SLC23A2: variants seen among roughly 807,000 people sequenced by gnomAD.
SLC23A2 encodes the protein solute carrier family 23 member 2.
Under a neutral mutation model 73.3 loss-of-function variants are expected in SLC23A2, and 36 were observed. The ratio of observed to expected loss-of-function variants is 0.49; its 90% CI spans 0.38 to 0.65. SLC23A2 has a LOEUF of 0.65. SLC23A2 is among the 30% of genes least tolerant of loss of function. SLC23A2 has a pLI of 0.00. For missense variants in SLC23A2, 507 were observed against 841.6 expected, an observed-to-expected ratio of 0.60 and a Z score of 4.92; for synonymous variants, 343 against 327.3, an observed-to-expected ratio of 1.05 and a Z score of -0.52.
intron 13 of SLC23A2, among the ~76,000 whole-genome samples, chr20:4,866,742 T>C (rs1212004316): frequency 6.6e-6 from 1 of 152,162 alleles, no homozygotes; most frequent in Non-Finnish European, 1.5e-5. Flanking sequence ...TGGTTTCTCT[T>C]TATCTGATTA....
At chr20:5,001,899 T>G (rs980036270), upstream of SLC23A2, among the ~76,000 whole-genome samples, 6 of 152,060 alleles carry the variant, frequency 3.9e-5, no homozygotes, top group African/African-American at 1.2e-4. Flanking sequence ...TGTGGTGCAT[T>G]GGGCTCAGTG....
intron 1 of SLC23A2, 55 bp downstream of exon 1, chr20:5,001,351 C>T (rs1187617633): frequency 6.8e-6 from 1 of 146,370 alleles, no homozygotes. Flanking sequence ...CTCGCGGCCC[C>T]GCCGGCAGGT....
At chr20:4,962,503 G>A (rs2087409326) in intron 2 of SLC23A2, among the ~76,000 whole-genome samples, 1 of 152,244 alleles carries the variant, frequency 6.6e-6, no homozygotes, top group Non-Finnish European at 1.5e-5. Context: ...CCCAGCTCAG[G>A]ATCCCAAAGT....
At chr20:4,936,444 G>A (rs2086962835) in intron 2 of SLC23A2, among the ~76,000 whole-genome samples, 1 of 151,924 alleles carries the variant, frequency 6.6e-6, no homozygotes, top group Non-Finnish European at 1.5e-5. Context: ...TCAACTTTAG[G>A]GAAAATGATG....
At position 4,885,529 on chromosome 20, in the gene SLC23A2, A is replaced by G. The variant is rs1343290918; in HGVS notation, c.571+292T>C. Reference sequence around the variant, plus strand: ...AATCCACTGAAAGAGAGAGGCAGAAAAATAGCACAAATATTTTTCTATTCC... The same window carrying G: ...AATCCACTGAAAGAGAGAGGCAGAAGAATAGCACAAATATTTTTCTATTCC... On this transcript the variant is annotated intron_variant, in intron 7 of 16. Transcript: ENST00000338244. Among the ~76,000 whole-genome samples, 3 of 152,250 alleles carry G rather than the reference A, an allele frequency of 2.0e-5. No individual in the cohort carries two copies. In the East Asian group the frequency reaches 5.8e-4, roughly 29 times the overall value.
chr20:4,958,263 C>T (rs893461585), intron 2 of SLC23A2, among the ~76,000 whole-genome samples: 1 of 152,166 alleles, frequency 6.6e-6, no homozygotes, highest in African/African-American at 2.4e-5. Flanking sequence ...CCGAAAATGC[C>T]TCTGTAAAAT....
intron 4 of SLC23A2, among the ~76,000 whole-genome samples, chr20:4,912,593 C>T (rs6084933): frequency 0.29 from 43,676 of 150,588 alleles, 7,865 homozygotes; most frequent in East Asian, 0.63. Flanking sequence ...CTTCCCTCTG[C>T]CATCTTGGCT....
chr20:4,958,558 T>C (rs1255638222), intron 2 of SLC23A2, among the ~76,000 whole-genome samples: 4 of 152,088 alleles, frequency 2.6e-5, no homozygotes, highest in African/African-American at 9.7e-5. Context: ...TGTTTATTTA[T>C]CTTTTTTTTT....
Position 4,874,601 on chromosome 20 carries a change from T to G in SLC23A2, c.920A>C (p.Lys307Thr). Residue 307 changes from lysine (K) to threonine (T), a missense_variant, in exon 10 of 17, where the codon AAG becomes ACG. Coordinates refer to ENST00000338244, the MANE Select transcript of SLC23A2 (RefSeq NM_005116.6). ...YKSKKGWTAY[K>T]LQLFKMFPII... ...AGGGAACATTTTGAACAGCTGTAAC[T>G]TGTACGCAGTCCATCCTTTCTTGGA... The G allele has an allele frequency of 6.2e-7, 1 of 1,611,638 alleles. No individual in the cohort carries two copies. The highest frequency in any genetic ancestry group is 8.5e-7 in the Non-Finnish European group (1 of 1,179,184).
chr20:4,930,627 T>G (rs1932778397), intron 3 of SLC23A2, among the ~76,000 whole-genome samples: 1 of 152,214 alleles, frequency 6.6e-6, no homozygotes, highest in Non-Finnish European at 1.5e-5. Flanking sequence ...GAGACCAGCC[T>G]GGCCAATATG....
At chr20:4,904,294 G>C (rs1055409235) in intron 4 of SLC23A2, among the ~76,000 whole-genome samples, 3 of 152,188 alleles carry the variant, frequency 2.0e-5, no homozygotes, top group African/African-American at 7.2e-5. Context: ...AGCTTCCCTG[G>C]CTGAATGGGT....
At chr20:4,887,715 A>T (rs1931158935) in intron 6 of SLC23A2, among the ~76,000 whole-genome samples, 1 of 152,202 alleles carries the variant, frequency 6.6e-6, no homozygotes, top group African/African-American at 2.4e-5. Context: ...AGATGACGAT[A>T]GAAAAAGTCT....
intron 2 of SLC23A2, among the ~76,000 whole-genome samples, chr20:4,941,522 G>C (rs750301306): frequency 5.9e-4 from 90 of 151,994 alleles, no homozygotes; most frequent in Non-Finnish European, 1.1e-3. Context: ...GGCCAACATG[G>C]TGAAACCCAT....
intron 6 of SLC23A2, among the ~76,000 whole-genome samples, chr20:4,886,952 G>T (rs769067927): frequency 1.3e-5 from 2 of 152,096 alleles, no homozygotes; most frequent in Non-Finnish European, 2.9e-5. Flanking sequence ...AATCAAACTG[G>T]CTCTAGCTAA....
intron 2 of SLC23A2, among the ~76,000 whole-genome samples, chr20:4,962,513 T>G (rs747553695): frequency 1.3e-5 from 2 of 152,156 alleles, no homozygotes; most frequent in African/African-American, 2.4e-5. Context: ...GATCCCAAAG[T>G]GCTGTCTGGG....
intron 11 of SLC23A2, among the ~76,000 whole-genome samples, chr20:4,870,575 TC>T (rs1930406437): frequency 7.1e-6 from 1 of 141,160 alleles, no homozygotes; most frequent in Non-Finnish European, 1.5e-5. Context: ...AGACTCCATC[TC>T]AAAAAAAAAA....
At chr20:4,876,014 G>A (rs746825939) in intron 9 of SLC23A2, among the ~76,000 whole-genome samples, 9 of 152,120 alleles carry the variant, frequency 5.9e-5, no homozygotes, top group African/African-American at 1.7e-4. Context: ...CTACTCAGGC[G>A]CTTCGGTGAA....
chr20:4,983,484 A>G (rs1434759871), intron 1 of SLC23A2, among the ~76,000 whole-genome samples: 1 of 94,686 alleles, frequency 1.1e-5, no homozygotes, highest in African/African-American at 9.7e-5. Flanking sequence ...GTCTCTACTA[A>G]AAATACAAAA....
At chr20:4,895,175 A>T (rs1468934327) in intron 6 of SLC23A2, among the ~76,000 whole-genome samples, 1 of 152,240 alleles carries the variant, frequency 6.6e-6, no homozygotes, top group Non-Finnish European at 1.5e-5. Context: ...TGGACACGAA[A>T]AACTTTTCCT....
Sources: gnomAD v4.1 joint callset for allele counts (sites outside exome capture counted in the v4.1 genomes callset) on GRCh38, gnomAD v4.1.1 for gene constraint, MANE v1.5 for transcripts, NCBI Gene and HGNC (gene_info 2026-07-23, HGNC 2026-07-21) for gene names.